The following PCDHA7 variants were observed in gnomAD, a reference collection of about 807,000 sequenced individuals.
PCDHA7 encodes the protein protocadherin alpha 7.
A neutral mutation model predicts 57.2 loss-of-function variants in PCDHA7; 37 were observed. The ratio of observed to expected loss-of-function variants is 0.65; its 90% CI spans 0.50 to 0.85. The LOEUF (loss-of-function observed/expected upper bound fraction) is 0.85, where lower values mean the gene tolerates loss of function less well. Ranked by LOEUF, PCDHA7 falls within the 40% of genes least tolerant of loss-of-function variation. PCDHA7 has a pLI of 0.00. For missense variants in PCDHA7, 1,188 were observed against 1,241.8 expected, an observed-to-expected ratio of 0.96 and a Z score of 0.65; for synonymous variants, 553 against 558.8, an observed-to-expected ratio of 0.99 and a Z score of 0.15.
At chr5:140,959,407 G>A (rs1449444307) in intron 1 of PCDHA7, among the ~76,000 whole-genome samples, 3 of 152,052 alleles carry the variant, frequency 2.0e-5, no homozygotes, top group African/African-American at 7.2e-5. Flanking sequence ...ATAAAGTGTT[G>A]ATTGATCTGA....
At chr5:140,913,299 T>A (rs2076283233) in intron 1 of PCDHA7, among the ~76,000 whole-genome samples, 1 of 152,196 alleles carries the variant, frequency 6.6e-6, no homozygotes, top group South Asian at 2.1e-4. Context: ...AATTTCTTCA[T>A]AGATCAACCT....
intron 1 of PCDHA7, chr5:140,969,195 A>G: frequency 6.2e-7 from 1 of 1,614,158 alleles, no homozygotes; most frequent in Non-Finnish European, 8.5e-7. Flanking sequence ...ATGTTTTACA[A>G]TACAGGGGCC....
intron 1 of PCDHA7, chr5:140,929,563 G>A: frequency 2.1e-6 from 1 of 470,088 alleles, no homozygotes; most frequent in Non-Finnish European, 3.6e-6. Context: ...ACCTATTTAA[G>A]AACAATAAAA....
chr5:140,870,455 C>A, intron 1 of PCDHA7: 6 of 1,614,246 alleles, frequency 3.7e-6, no homozygotes, highest in Non-Finnish European at 5.1e-6. Context: ...AACGACAATG[C>A]GCCTGCGTTC....
intron 1 of PCDHA7, among the ~76,000 whole-genome samples, chr5:140,960,521 A>C (rs950989969): frequency 9.9e-5 from 15 of 152,162 alleles, no homozygotes; most frequent in Non-Finnish European, 1.5e-5. Context: ...CATAATGGGT[A>C]TAGGAAAGAG....
intron 1 of PCDHA7, chr5:140,869,028 G>C: frequency 1.3e-6 from 2 of 1,526,584 alleles, no homozygotes; most frequent in Non-Finnish European, 1.8e-6. Flanking sequence ...AATTCAACGA[G>C]ATTTTTAACC....
At chr5:140,855,901 A>G (rs1280645152) in intron 1 of PCDHA7, 6 of 1,088,536 alleles carry the variant, frequency 5.5e-6, no homozygotes, top group African/African-American at 4.7e-5. Flanking sequence ...GGCATCAGCC[A>G]GTTTCTCAAG....
At position 140,841,280 on chromosome 5, in the gene PCDHA7, T is replaced by C. The variant is rs2150312554; in HGVS notation, c.2355+4542T>C. Reference sequence around the variant, plus strand: ...CTCTGAAAGTACAGTCGTTCATCTTTATATTAAGATAATATTTTCTGATAG... The same window carrying C: ...CTCTGAAAGTACAGTCGTTCATCTTCATATTAAGATAATATTTTCTGATAG... On this transcript the variant is annotated intron_variant, in intron 1 of 3. Transcript: ENST00000525929. The C allele has an allele frequency of 2.7e-3, 4,162 of 1,542,382 alleles. 127 individuals are homozygous for C. The African/African-American group carries it at 0.05, about 19-fold the overall frequency.
chr5:140,850,958 A>C (rs2150503998), intron 1 of PCDHA7: 1 of 1,481,832 alleles, frequency 6.7e-7, no homozygotes, highest in Admixed American at 2.4e-5. Context: ...GATTACTCCC[A>C]GGGGCCGTTC....
chr5:140,968,521 C>G, intron 1 of PCDHA7: 1 of 1,614,180 alleles, frequency 6.2e-7, no homozygotes, highest in Non-Finnish European at 8.5e-7. Context: ...CTACCTCAAC[C>G]AACTCGTCAG....
rs2042132176 is a variant in PCDHA7, at chr5:140,851,700, G to A, written c.2355+14962G>A. On this transcript the variant is annotated intron_variant, in intron 1 of 3. Transcript: ENST00000525929. ...TCTCCATTCAGTGATAAAATGATCA[G>A]CCATGTGAAGATTCGAAACTTCGAG... 4.2e-6 allele frequency: 4 copies of A among 943,922 alleles called. 1 individual carries two copies. Among genetic ancestry groups the A allele is most frequent in the Admixed American group, 1.3e-4 (2 of 15,858 alleles). The allele number at this position is 943,922 out of a possible 1,614,324, so 58.5% of individuals were successfully genotyped here. A position where few individuals can be genotyped will look rare whatever the true frequency, so the allele number is the denominator to read the frequency against.
chr5:140,853,351 C>T, intron 1 of PCDHA7: 1 of 982,872 alleles, frequency 1.0e-6, no homozygotes, highest in Non-Finnish European at 1.2e-6. Context: ...CAAACATGAA[C>T]TCACAGGGAT....
intron 1 of PCDHA7, chr5:140,871,484 A>T: frequency 6.3e-7 from 1 of 1,592,270 alleles, no homozygotes; most frequent in Non-Finnish European, 8.6e-7. Context: ...GGGTCAAATC[A>T]CCCCGGACAG....
chr5:140,972,080 AAG>A (rs1446545098), intron 1 of PCDHA7, among the ~76,000 whole-genome samples: 8 of 152,208 alleles, frequency 5.3e-5, no homozygotes, highest in African/African-American at 1.9e-4. Flanking sequence ...CTTTTGGAAA[AAG>A]AGTAATTTCT....
At chr5:140,841,297 T>A (rs2150312765) in intron 1 of PCDHA7, 1 of 1,566,194 alleles carries the variant, frequency 6.4e-7, no homozygotes, top group South Asian at 1.2e-5. Flanking sequence ...AGATAATATT[T>A]TCTGATAGGA....
chr5:140,889,108 T>C (rs553126619), intron 1 of PCDHA7, among the ~76,000 whole-genome samples: 3 of 151,936 alleles, frequency 2.0e-5, no homozygotes, highest in Admixed American at 1.3e-4. Context: ...TCATCTTTAT[T>C]CCAGGTGATA....
intron 1 of PCDHA7, among the ~76,000 whole-genome samples, chr5:140,934,446 A>G (rs527371307): frequency 2.0e-5 from 3 of 152,188 alleles, no homozygotes; most frequent in Non-Finnish European, 4.4e-5. Context: ...ATAGTGAAAA[A>G]TGCAAATAAT....
intron 1 of PCDHA7, among the ~76,000 whole-genome samples, chr5:140,946,631 T>TATATATATACAC (rs57893927): frequency 0.012 from 1,602 of 131,782 alleles, 27 homozygotes; most frequent in South Asian, 0.028. Flanking sequence ...TATATATATA[T>TATATATATACAC]ACAATGGAAT....
chr5:140,861,804 T>C (rs36095340), intron 1 of PCDHA7: 19,400 of 158,354 alleles, frequency 0.12, 1,289 homozygotes, highest in Middle Eastern at 0.19. Flanking sequence ...AGGTGTATTT[T>C]AAAAATTCTT....
Sources: allele counts gnomAD v4.1 joint callset (sites outside exome capture counted in the v4.1 genomes callset), GRCh38; gene constraint gnomAD v4.1.1; transcripts MANE v1.5; gene names NCBI Gene and HGNC (gene_info 2026-07-23, HGNC 2026-07-21).